RARRES1: variants seen among roughly 807,000 people sequenced by gnomAD.
The protein encoded by RARRES1 is retinoic acid receptor responder protein 1.
A neutral mutation model predicts 30.6 loss-of-function variants in RARRES1; 34 were observed. The observed-to-expected ratio is 1.11, with a 90% CI of 0.84 to 1.48. The LOEUF is 1.48. RARRES1 is among the 40% of genes most tolerant of loss of function. The pLI is 0.00. For missense variants in RARRES1, 373 were observed against 386.5 expected (o/e 0.97, Z 0.29); for synonymous variants, 153 against 155.5 (o/e 0.98, Z 0.12).
chr3:158,725,888 G>A (rs1727669758), intron 1 of RARRES1, among the ~76,000 whole-genome samples: 2 of 152,166 alleles, frequency 1.3e-5, no homozygotes, highest in Admixed American at 6.5e-5. Context: ...TGCTATTTCA[G>A]CACAAACATT....
chr3:158,728,516 C>CTTTTTTTTTTTTTTTTT (rs755791546), intron 1 of RARRES1, among the ~76,000 whole-genome samples: 1 of 133,946 alleles, frequency 7.5e-6, no homozygotes, highest in African/African-American at 2.9e-5. Flanking sequence ...CTTTTTCTTT[C>CTTTTTTTTTTTTTTTTT]TTTTTTTTTT....
chr3:158,698,719 A>G (rs1473028808), intron 4 of RARRES1, among the ~76,000 whole-genome samples: 1 of 152,122 alleles, frequency 6.6e-6, no homozygotes, highest in East Asian at 1.9e-4. Context: ...ACTAGTAAAA[A>G]TGGAAGAAAG....
intron 1 of RARRES1, among the ~76,000 whole-genome samples, chr3:158,726,645 T>C (rs1358932518): frequency 1.3e-5 from 2 of 152,234 alleles, no homozygotes; most frequent in African/African-American, 2.4e-5. Flanking sequence ...AGCTGTTGAA[T>C]TGGTGTTAAT....
chr3:158,700,817 T>TA (rs1375417175), intron 4 of RARRES1, among the ~76,000 whole-genome samples: 1 of 152,228 alleles, frequency 6.6e-6, no homozygotes, highest in African/African-American at 2.4e-5. Context: ...ACTCAGCACT[T>TA]AATCTTGTTG....
At chr3:158,716,990 G>T (rs979720715) in intron 1 of RARRES1, among the ~76,000 whole-genome samples, 1 of 152,168 alleles carries the variant, frequency 6.6e-6, no homozygotes, top group African/African-American at 2.4e-5. Context: ...TCTCACAAAG[G>T]CCTCTCCCTT....
In RARRES1 at chr3:158,716,709, G is replaced by T. The variant is rs149517000; in HGVS notation, c.277-2850C>A. Among the ~76,000 whole-genome samples, 4 of 151,928 alleles carry T rather than the reference G, an allele frequency of 2.6e-5. No individual in the cohort carries two copies. The East Asian group carries it at 7.8e-4, about 30-fold the overall frequency. ...AGCAATTCTCCTGCCTCAGCCTGCT[G>T]CATAGCTGAGACTACAGGTGCACGC... On this transcript the variant is annotated intron_variant, in intron 1 of 5. Coordinates refer to ENST00000237696, the MANE Select transcript of RARRES1 (RefSeq NM_206963.2).
chr3:158,707,105 G>A (rs1276328672), intron 3 of RARRES1, among the ~76,000 whole-genome samples: 3 of 152,260 alleles, frequency 2.0e-5, no homozygotes, highest in South Asian at 2.1e-4. Flanking sequence ...GGAGACAGAC[G>A]TTGCAGTGAA....
At chr3:158,728,314 G>C (rs1188814024) in intron 1 of RARRES1, among the ~76,000 whole-genome samples, 1 of 151,822 alleles carries the variant, frequency 6.6e-6, no homozygotes, top group Non-Finnish European at 1.5e-5. Context: ...TCTTACAAAG[G>C]AATGCAGTGA....
intron 4 of RARRES1, among the ~76,000 whole-genome samples, chr3:158,703,244 C>T (rs1248878601): frequency 6.6e-6 from 1 of 152,118 alleles, no homozygotes; most frequent in South Asian, 2.1e-4. Context: ...TCCTGCTTTC[C>T]CTCTATGTGA....
intron 1 of RARRES1, among the ~76,000 whole-genome samples, chr3:158,730,001 A>G (rs1727819325): frequency 6.6e-6 from 1 of 152,100 alleles, no homozygotes; most frequent in South Asian, 2.1e-4. Context: ...ACTTTTTTGT[A>G]TCTCAGACAG....
intron 1 of RARRES1, among the ~76,000 whole-genome samples, chr3:158,716,513 C>A (rs1727326634): frequency 6.6e-6 from 1 of 152,070 alleles, no homozygotes. Flanking sequence ...GGGCTCTGAG[C>A]TGGTGTGGAG....
chr3:158,714,814 A>G (rs1237140153), intron 1 of RARRES1, among the ~76,000 whole-genome samples: 2 of 152,234 alleles, frequency 1.3e-5, no homozygotes, highest in African/African-American at 2.4e-5. Flanking sequence ...TTCACATAGC[A>G]TTGATTAAGG....
At chr3:158,698,150 C>T in intron 4 of RARRES1, 180 bp from the exon 5 acceptor site, 1 of 567,916 alleles carries the variant, frequency 1.8e-6, no homozygotes, top group Non-Finnish European at 3.2e-6. Context: ...TCATTTTTGT[C>T]TTGTCACTGA....
chr3:158,730,319 C>CAAA (rs58772915), intron 1 of RARRES1, among the ~76,000 whole-genome samples: 2 of 79,412 alleles, frequency 2.5e-5, no homozygotes, highest in African/African-American at 4.9e-5. Context: ...GACTCTGTCT[C>CAAA]AAAAAAAAAA....
At chr3:158,719,502 C>T (rs1364978552) in intron 1 of RARRES1, among the ~76,000 whole-genome samples, 1 of 152,158 alleles carries the variant, frequency 6.6e-6, no homozygotes, top group Non-Finnish European at 1.5e-5. Flanking sequence ...AAACTCCTGA[C>T]CTCAGGTGAT....
intron 2 of RARRES1, among the ~76,000 whole-genome samples, chr3:158,713,129 G>A (rs1012460792): frequency 6.6e-6 from 1 of 152,096 alleles, no homozygotes; most frequent in African/African-American, 2.4e-5. Flanking sequence ...GCTCCAGGCT[G>A]CTTCTCAGCA....
chr3:158,703,843 T>A (rs975801069), intron 4 of RARRES1, among the ~76,000 whole-genome samples: 1 of 152,226 alleles, frequency 6.6e-6, no homozygotes, highest in Non-Finnish European at 1.5e-5. Flanking sequence ...CATCCAGTCT[T>A]GTGGCTTTAA....
chr3:158,732,011 C>T, intron 1 of RARRES1, 129 bp downstream of exon 1: 1 of 956,936 alleles, frequency 1.0e-6, no homozygotes. Context: ...TCTCCCCGGG[C>T]GTCGTGCGCA....
At chr3:158,722,311 CA>C (rs1230513965) in intron 1 of RARRES1, among the ~76,000 whole-genome samples, 1 of 152,154 alleles carries the variant, frequency 6.6e-6, no homozygotes, top group African/African-American at 2.4e-5. Flanking sequence ...TACTAAACCA[CA>C]AAGCTTTGTT....
Sources: gnomAD v4.1 joint callset for allele counts (sites outside exome capture counted in the v4.1 genomes callset) on GRCh38, gnomAD v4.1.1 for gene constraint, MANE v1.5 for transcripts, NCBI Gene and HGNC (gene_info 2026-07-23, HGNC 2026-07-21) for gene names.